JAK2: variants seen among roughly 807,000 people sequenced by gnomAD.
JAK2 encodes Janus kinase 2, also known as tyrosine-protein kinase JAK2.
JAK2 carries 86 observed loss-of-function variants against 139.3 expected under a neutral mutation model. That is an observed-to-expected ratio of 0.62 (90% confidence interval 0.52 to 0.74). The LOEUF (loss-of-function observed/expected upper bound fraction) is 0.74, where lower values mean the gene tolerates loss of function less well. Among genes scored for constraint, JAK2 ranks in the 30% least tolerant of loss-of-function variants. The pLI is 0.00. For synonymous variants in JAK2, 490 were observed against 437.7 expected, an observed-to-expected ratio of 1.12 and a Z score of -1.49; for missense variants, 1,421 against 1,360.3, an observed-to-expected ratio of 1.04 and a Z score of -0.70.
At position 5,013,495 on chromosome 9, in the gene JAK2, C is replaced by T. The variant is rs377106537; in HGVS notation, c.-25-8468C>T. Among the ~76,000 whole-genome samples, 37 of 152,296 alleles carry T rather than the reference C, an allele frequency of 2.4e-4. 1 individual carries two copies. The East Asian group carries it at 5.0e-3, about 21-fold the overall frequency. On this transcript the variant is annotated intron_variant, in intron 2 of 24. Coordinates refer to ENST00000381652, the MANE Select transcript of JAK2 (RefSeq NM_004972.4). ...CAGACCACTCCATTGCCTTTTGGGA[C>T]ATTTCTGTGGAAAAGTTGAGAAGCA...
chr9:4,992,584 G>T (rs1015957548), intron 2 of JAK2, among the ~76,000 whole-genome samples: 12 of 152,210 alleles, frequency 7.9e-5, no homozygotes, highest in African/African-American at 2.4e-4. Context: ...TCTCCTCAAA[G>T]GTCCCTAATT....
In JAK2 at chr9:5,113,121, A is replaced by AT. The variant is rs980916501; in HGVS notation, c.3060-9882dup. ...CCCCTGCCCCCGTATCTCAGCCACC[A>AT]TGTCACCCTGTGACCTGCCCCATGG... On this transcript the variant is annotated intron_variant, in intron 22 of 24. Coordinates refer to ENST00000381652, the MANE Select transcript of JAK2 (RefSeq NM_004972.4). 5.5e-5 allele frequency among the ~76,000 whole-genome samples: 8 copies of AT among 144,714 alleles called. 1 individual carries two copies. Among genetic ancestry groups the AT allele is most frequent in the African/African-American group, 2.1e-4 (8 of 38,584 alleles). The allele number at this position is 144,714 out of a possible 152,430, so 94.9% of individuals were successfully genotyped here. A position where few individuals can be genotyped will look rare whatever the true frequency, so the allele number is the denominator to read the frequency against.
chr9:5,035,296 C>T (rs1281679089), intron 4 of JAK2, among the ~76,000 whole-genome samples: 1 of 152,146 alleles, frequency 6.6e-6, no homozygotes, highest in Non-Finnish European at 1.5e-5. Context: ...CTGAATTCTA[C>T]CAGAGGTGCA....
intron 4 of JAK2, among the ~76,000 whole-genome samples, chr9:5,033,572 T>TGGGG (rs1823332073): frequency 6.6e-6 from 1 of 151,966 alleles, no homozygotes; most frequent in African/African-American, 2.4e-5. Flanking sequence ...CAGAAGAGAG[T>TGGGG]GGGGGCCAAT....
intron 22 of JAK2, among the ~76,000 whole-genome samples, chr9:5,096,432 C>T (rs1820991131): frequency 6.6e-6 from 1 of 152,086 alleles, no homozygotes; most frequent in Admixed American, 6.6e-5. Context: ...AATTCAAACC[C>T]ACAAAAATTT....
intron 22 of JAK2, among the ~76,000 whole-genome samples, chr9:5,118,568 T>C (rs1364825051): frequency 1.3e-5 from 2 of 152,150 alleles, no homozygotes; most frequent in African/African-American, 4.8e-5. Context: ...TCCCCTCCAA[T>C]TGGTTTGTAT....
rs1294312777 is a variant in JAK2 at position 5,015,534 on chromosome 9, TTTTC to T, written c.-25-6425_-25-6422del. ...GATCATTGTATTCTTTTTCTTTTTCTTTTCTTTTTTTTTTTTTTGAGACAAGGTC... is the reference window on the plus strand; with the variant it reads ...GATCATTGTATTCTTTTTCTTTTTCTTTTTTTTTTTTTTTGAGACAAGGTC... On this transcript the variant is annotated intron_variant, in intron 2 of 24. Transcript: ENST00000381652. Among the ~76,000 whole-genome samples, 5 of 67,952 alleles carry T rather than the reference TTTTC, an allele frequency of 7.4e-5. No homozygotes were observed. The East Asian group carries it at 1.6e-3, about 22-fold the overall frequency. The allele number at this position is 67,952 out of a possible 152,430, so 44.6% of individuals were successfully genotyped here. A position where few individuals can be genotyped will look rare whatever the true frequency, so the allele number is the denominator to read the frequency against.
chr9:5,032,128 C>T (rs551301766), intron 4 of JAK2, among the ~76,000 whole-genome samples: 16 of 152,340 alleles, frequency 1.1e-4, no homozygotes, highest in East Asian at 3.9e-4. Context: ...GAGGGTCCTA[C>T]GCCCACGGAG....
chr9:5,086,299 A>T (rs1353877333), intron 19 of JAK2, among the ~76,000 whole-genome samples: 1 of 152,126 alleles, frequency 6.6e-6, no homozygotes, highest in African/African-American at 2.4e-5. Flanking sequence ...TGGAGCCTGA[A>T]ACCTCTTATA....
chr9:4,991,691 C>G (rs1300304003), intron 2 of JAK2, among the ~76,000 whole-genome samples: 2 of 134,934 alleles, frequency 1.5e-5, no homozygotes, highest in East Asian at 2.7e-4. Flanking sequence ...TTTCCCACCC[C>G]CCCACCCCAC....
intron 2 of JAK2, among the ~76,000 whole-genome samples, chr9:5,013,037 A>G (rs1367925793): frequency 6.6e-6 from 1 of 152,244 alleles, no homozygotes; most frequent in East Asian, 1.9e-4. Flanking sequence ...AACTATCAGT[A>G]CATATTGATG....
At chr9:5,121,734 GTCTT>G (rs1378548356) in intron 22 of JAK2, among the ~76,000 whole-genome samples, 2 of 152,216 alleles carry the variant, frequency 1.3e-5, no homozygotes, top group African/African-American at 2.4e-5. Flanking sequence ...AGAAGGAGGA[GTCTT>G]TCTTCTTATT....
chr9:4,999,608 A>G (rs1200277672), intron 2 of JAK2, among the ~76,000 whole-genome samples: 1 of 152,232 alleles, frequency 6.6e-6, no homozygotes, highest in Non-Finnish European at 1.5e-5. Flanking sequence ...TGCAAGCTTG[A>G]GGAGCAAGGA....
chr9:5,012,636 A>G (rs1054279221), intron 2 of JAK2, among the ~76,000 whole-genome samples: 1 of 152,232 alleles, frequency 6.6e-6, no homozygotes, highest in Non-Finnish European at 1.5e-5. Flanking sequence ...TGAGCATAGC[A>G]TTAATAAATT....
intron 5 of JAK2, among the ~76,000 whole-genome samples, chr9:5,047,096 C>T: frequency 6.6e-6 from 1 of 151,940 alleles, no homozygotes. Flanking sequence ...TAGATAGTAC[C>T]ACAAGCAATT....
In JAK2 at chr9:5,087,044, C is replaced by CAGAT. The variant is rs549794886; in HGVS notation, c.2572-2628_2572-2625dup. Among the ~76,000 whole-genome samples, 39 of 152,188 alleles carry CAGAT rather than the reference C, an allele frequency of 2.6e-4. No individual in the cohort carries two copies. In the South Asian group the frequency reaches 7.7e-3, roughly 30 times the overall value. Reference sequence around the variant, plus strand: ...CCCTCAAACACTAAAAGAAAAAAATCAGATATAAATCTTTATTGTTTTCAT... The same window carrying CAGAT: ...CCCTCAAACACTAAAAGAAAAAAATCAGATAGATATAAATCTTTATTGTTTTCAT... On this transcript the variant is annotated intron_variant, in intron 19 of 24. Coordinates refer to ENST00000381652, the MANE Select transcript of JAK2 (RefSeq NM_004972.4).
rs1817645218 is a variant in JAK2, at chr9:5,054,764, A to G, written c.816A>G (p.Val272=). The G allele has an allele frequency of 6.2e-7, 1 of 1,613,208 alleles. No homozygotes were observed. Among genetic ancestry groups the G allele is most frequent in the South Asian group, 1.1e-5 (1 of 91,052 alleles). ...QSAFYTEKFE[V]KEPGSGPSGE... ...CCTTCTACACAGAGAAATTTGAAGT[A>G]AAAGAACCTGGAAGTGGTCCTTCAG... Residue 272 remains valine (V), a synonymous_variant, in exon 7 of 25, where the codon GTA becomes GTG. Coordinates refer to ENST00000381652, the MANE Select transcript of JAK2 (RefSeq NM_004972.4). The surrounding 1 kb of genome is among the most constrained non-coding windows in gnomAD (Gnocchi z 4.9).
chr9:5,051,832 A>C (rs1217662526), intron 6 of JAK2, among the ~76,000 whole-genome samples: 1 of 152,074 alleles, frequency 6.6e-6, no homozygotes, highest in African/African-American at 2.4e-5. Context: ...CAGAGTATCA[A>C]TTTCTGTATT....
At chr9:5,042,689 C>T (rs1187438555) in intron 4 of JAK2, among the ~76,000 whole-genome samples, 2 of 152,148 alleles carry the variant, frequency 1.3e-5, no homozygotes, top group Non-Finnish European at 2.9e-5. Flanking sequence ...GCAGGCCTGG[C>T]CTGGAGGGGT....
Sources: allele counts gnomAD v4.1 joint callset (sites outside exome capture counted in the v4.1 genomes callset), GRCh38; gene constraint gnomAD v4.1.1; non-coding constraint Gnocchi (gnomAD v3.1); transcripts MANE v1.5; gene names NCBI Gene and HGNC (gene_info 2026-07-23, HGNC 2026-07-21).